RPL21: variants seen among roughly 807,000 people sequenced by gnomAD.
RPL21 encodes large ribosomal subunit protein eL21.
In RPL21, 1 loss-of-function variant was observed where a neutral mutation model predicts 21.2. The ratio of observed to expected loss-of-function variants is 0.05; its 90% CI spans 0.02 to 0.22. RPL21 has a LOEUF of 0.22. Ranked by LOEUF, RPL21 falls within the 10% of genes least tolerant of loss-of-function variation. The pLI is 1.00. For synonymous variants in RPL21, 52 were observed against 62.9 expected, an observed-to-expected ratio of 0.83 and a Z score of 0.82; for missense variants, 113 against 199.4, an observed-to-expected ratio of 0.57 and a Z score of 2.61.
In RPL21 at chr13:27,256,262, A is replaced by G. The variant is rs1424002826; in HGVS notation, c.321A>G (p.Lys107=). 1.3e-6 allele frequency: 2 copies of G among 1,588,078 alleles called. No homozygotes were observed. Among genetic ancestry groups the G allele is most frequent in the South Asian group, 2.2e-5 (2 of 89,330 alleles). Residue 107 remains lysine (K), a synonymous_variant, in exon 5 of 6, where the codon AAA becomes AAG. Coordinates refer to ENST00000311549, the MANE Select transcript of RPL21 (RefSeq NM_000982.4). ...KHSKSRDSFL[K]RVKENDQKKK... ...CTAAGAGCCGAGATAGCTTCCTGAA[A>G]CGTGTGAAGGAAAATGATCAGAAAA...
At chr13:27,252,874 C>T (rs561410508) in intron 1 of RPL21, among the ~76,000 whole-genome samples, 1 of 152,210 alleles carries the variant, frequency 6.6e-6, no homozygotes, top group African/African-American at 2.4e-5. Flanking sequence ...CACGTCAAGC[C>T]TGACTGCTGT....
At chr13:27,255,567 A>G (rs969086816) in intron 4 of RPL21, 2 of 726,238 alleles carry the variant, frequency 2.8e-6, no homozygotes, top group Non-Finnish European at 5.1e-6. Context: ...GTTAGTTACT[A>G]AGCGGTTTGT....
rs1881885902 is a variant in RPL21 at position 27,255,995 on chromosome 13, G to A, written c.243-189G>A. ...ATCAAAGAGAGTTAAAAGTAGGGAT[G>A]TTCTCTGCAAGGCCTCTTCTGATAT... On this transcript the variant is annotated intron_variant, in intron 4 of 5. Transcript: ENST00000311549. 1.2e-5 allele frequency: 7 copies of A among 592,370 alleles called. No individual in the cohort carries two copies. In the South Asian group the frequency reaches 1.2e-4, roughly 10 times the overall value. The allele number at this position is 592,370 out of a possible 1,614,324, so 36.7% of individuals were successfully genotyped here.
chr13:27,256,239 A>G lies in RPL21; in HGVS notation c.298A>G (p.Lys100Glu), dbSNP rs763561488. Residue 100 changes from lysine (K) to glutamate (E), a missense_variant, in exon 5 of 6, where the codon AAG becomes GAG. Lys to Glu is a moderately conservative substitution (Grantham distance 56). Coordinates refer to ENST00000311549, the MANE Select transcript of RPL21 (RefSeq NM_000982.4). ...GCGTATTGAGCACATTAAGCACTCT[A>G]AGAGCCGAGATAGCTTCCTGAAACG... ...NVRIEHIKHS[K>E]SRDSFLKRVK... 6.3e-7 allele frequency: 1 copy of G among 1,587,934 alleles called. No individual in the cohort carries two copies. Among genetic ancestry groups the G allele is most frequent in the Non-Finnish European group, 8.6e-7 (1 of 1,161,588 alleles).
chr13:27,255,438 T>C (rs372994442), intron 4 of RPL21, 84 bp downstream of exon 4: 20 of 781,062 alleles, frequency 2.6e-5, no homozygotes, highest in Non-Finnish European at 4.7e-5. Flanking sequence ...CTTATGTCTT[T>C]ATTGGTCATT....
intron 4 of RPL21, chr13:27,255,736 T>G: frequency 2.8e-6 from 1 of 360,866 alleles, no homozygotes; most frequent in East Asian, 7.3e-5. Flanking sequence ...CATGCCCAGC[T>G]AAATTTTTTG....
intron 3 of RPL21, chr13:27,254,845 T>G (rs1003304042): frequency 2.7e-6 from 1 of 367,318 alleles, no homozygotes; most frequent in Middle Eastern, 9.8e-4. Context: ...TAAAGTGCTA[T>G]TCTTAGCAGA....
intron 1 of RPL21, 72 bp downstream of exon 1, chr13:27,251,657 G>A (rs1313712307): frequency 6.6e-6 from 1 of 152,324 alleles, no homozygotes; most frequent in East Asian, 1.9e-4. Flanking sequence ...GGCCTCAGAG[G>A]TCGTTCATTG....
chr13:27,256,130 A>G (rs910407102), intron 4 of RPL21, 54 bp from the exon 5 acceptor site: 37 of 1,377,840 alleles, frequency 2.7e-5, no homozygotes, highest in Non-Finnish European at 3.4e-5. Context: ...TCAGTTTTCT[A>G]CATTTCTGTT....
intron 1 of RPL21, 98 bp from the exon 2 acceptor site, chr13:27,253,667 C>T (rs532962789): frequency 1.1e-5 from 8 of 733,240 alleles, no homozygotes; most frequent in African/African-American, 1.7e-5. Flanking sequence ...GTTTGCAGTT[C>T]TCACTTCGCT....
At chr13:27,254,746 C>T (rs916060932) in intron 3 of RPL21, among the ~76,000 whole-genome samples, 4 of 152,140 alleles carry the variant, frequency 2.6e-5, no homozygotes, top group Non-Finnish European at 4.4e-5. Flanking sequence ...TGGTCTTGAA[C>T]ACCTCGGGTG....
intron 4 of RPL21, 30 bp downstream of exon 4, chr13:27,255,384 A>G: frequency 1.1e-6 from 1 of 907,272 alleles, no homozygotes; most frequent in Non-Finnish European, 1.9e-6. Flanking sequence ...TTTGTGGCTA[A>G]CCAGTATTCC....
intron 3 of RPL21, 92 bp from the exon 4 acceptor site, chr13:27,255,150 T>G: frequency 1.3e-6 from 1 of 784,316 alleles, no homozygotes; most frequent in Non-Finnish European, 2.4e-6. Flanking sequence ...AGTTGCCATT[T>G]GAAAGAAATC....
In RPL21 at chr13:27,255,373, C is replaced by T. The variant is rs772442788; in HGVS notation, c.242+19C>T. 1 of 981,726 alleles carries T rather than the reference C, an allele frequency of 1.0e-6. No homozygotes were observed. Among genetic ancestry groups the T allele is most frequent in the South Asian group, 1.3e-5 (1 of 78,602 alleles). The allele number at this position is 981,726 out of a possible 1,614,324, so 60.8% of individuals were successfully genotyped here. A position where few individuals can be genotyped will look rare whatever the true frequency, so the allele number is the denominator to read the frequency against. On this transcript the variant is annotated intron_variant, in intron 4 of 5. Coordinates refer to ENST00000311549, the MANE Select transcript of RPL21 (RefSeq NM_000982.4). ...AAGTTAAGTAAGTAGTGTTGTAGTT[C>T]TTTGTGGCTAACCAGTATTCCCTCA...
chr13:27,255,736 T>C, intron 4 of RPL21: 2 of 360,866 alleles, frequency 5.5e-6, no homozygotes, highest in South Asian at 2.2e-5. Flanking sequence ...CATGCCCAGC[T>C]AAATTTTTTG....
At chr13:27,252,665 C>T (rs1881706532) in intron 1 of RPL21, among the ~76,000 whole-genome samples, 2 of 152,172 alleles carry the variant, frequency 1.3e-5, no homozygotes, top group South Asian at 4.1e-4. Flanking sequence ...GAACTTTATA[C>T]ACATCTAAAG....
At chr13:27,255,917 A>G (rs1182451829) in intron 4 of RPL21, 3 of 395,108 alleles carry the variant, frequency 7.6e-6, no homozygotes, top group Non-Finnish European at 1.4e-5. Flanking sequence ...AAACTTTTAA[A>G]TTTTATTAGC....
intron 3 of RPL21, chr13:27,254,940 TGGAAA>T: frequency 2.0e-6 from 1 of 490,630 alleles, no homozygotes; most frequent in South Asian, 1.9e-5. Flanking sequence ...TTTATCAAGT[TGGAAA>T]GGAACGCCTT....
chr13:27,254,541 T>C, intron 3 of RPL21: 1 of 467,324 alleles, frequency 2.1e-6, no homozygotes, highest in Non-Finnish European at 3.9e-6. Flanking sequence ...ATTACAGGCG[T>C]GCACCATGAT....
Sources: gnomAD v4.1 joint callset for allele counts (sites outside exome capture counted in the v4.1 genomes callset) on GRCh38, gnomAD v4.1.1 for gene constraint, MANE v1.5 for transcripts, NCBI Gene and HGNC (gene_info 2026-07-23, HGNC 2026-07-21) for gene names.